Variants in METRNL observed in about 807,000 individuals in gnomAD.
The protein encoded by METRNL is meteorin like, glial cell differentiation regulator.
A neutral mutation model predicts 17.4 loss-of-function variants in METRNL; 9 were observed. That is an observed-to-expected ratio of 0.52 (90% CI 0.31 to 0.90). The LOEUF is 0.90. Ranked by LOEUF, METRNL falls within the 40% of genes least tolerant of loss-of-function variation. METRNL has a pLI of 0.05. For synonymous variants in METRNL, 215 were observed against 199.3 expected (o/e 1.08, Z -0.66); for missense variants, 408 against 430.7 (o/e 0.95, Z 0.47).
At chr17:83,084,161 G>A (rs1009700654) in intron 1 of METRNL, 4 of 152,218 alleles carry the variant, frequency 2.6e-5, no homozygotes, top group African/African-American at 7.2e-5. Context: ...TTTGTGGTGA[G>A]TCTTGCTGTA....
intron 2 of METRNL, among the ~76,000 whole-genome samples, chr17:83,088,062 C>T (rs1443610152): frequency 1.3e-5 from 2 of 152,214 alleles, no homozygotes; most frequent in African/African-American, 4.8e-5. Context: ...TTGGCCGGAA[C>T]ACGGGGGCAG....
At chr17:83,081,561 C>G (rs2037988964) in intron 1 of METRNL, among the ~76,000 whole-genome samples, 1 of 152,168 alleles carries the variant, frequency 6.6e-6, no homozygotes, top group Non-Finnish European at 1.5e-5. Flanking sequence ...AGCAGCGGGA[C>G]AGGAGTGCTT....
chr17:83,091,363 C>A (rs1205086757), intron 2 of METRNL, among the ~76,000 whole-genome samples: 3 of 152,232 alleles, frequency 2.0e-5, no homozygotes, highest in Non-Finnish European at 4.4e-5. Context: ...GGCGCCCTCA[C>A]CCCTGCCTGG....
chr17:83,080,083 C>A, intron 1 of METRNL, 98 bp downstream of exon 1: 1 of 735,418 alleles, frequency 1.4e-6, no homozygotes, highest in Non-Finnish European at 1.7e-6. Flanking sequence ...CGGGGGCGGG[C>A]GCGGGGCAGG....
At chr17:83,088,742 G>A (rs568950195) in intron 2 of METRNL, among the ~76,000 whole-genome samples, 22 of 150,982 alleles carry the variant, frequency 1.5e-4, no homozygotes, top group Middle Eastern at 3.4e-3. Flanking sequence ...GGCTGAGCCC[G>A]TAGGTGAATG....
chr17:83,081,926 T>C (rs1293087617), intron 1 of METRNL, among the ~76,000 whole-genome samples: 1 of 152,212 alleles, frequency 6.6e-6, no homozygotes, highest in East Asian at 1.9e-4. Flanking sequence ...GTTTGTGACT[T>C]TTTACCAGCT....
Position 83,085,150 on chromosome 17 carries a change from G to A in METRNL, c.383G>A (p.Arg128Lys), listed in dbSNP as rs2038036010. 1 of 1,613,466 alleles carries A rather than the reference G, an allele frequency of 6.2e-7. No homozygotes were observed. Among genetic ancestry groups the A allele is most frequent in the African/African-American group, 1.3e-5 (1 of 75,060 alleles). The change falls in exon 2 of 4, where the codon AGA (arginine) becomes AAA (lysine). Residue 128 changes from arginine to lysine, a missense_variant. Coordinates refer to ENST00000320095, the MANE Select transcript of METRNL (RefSeq NM_001004431.3). ...NIYLEKTGELRLLVPDGDGRP... is the reference protein window; with the variant it reads ...NIYLEKTGELKLLVPDGDGRP... ...TATTTGGAAAAAACTGGAGAACTGA[G>A]ACTGCTGGTACCAGACGGGGACGGC...
intron 2 of METRNL, among the ~76,000 whole-genome samples, chr17:83,089,609 A>AG (rs2038093245): frequency 1.3e-5 from 2 of 150,672 alleles, no homozygotes; most frequent in African/African-American, 4.9e-5. Context: ...TCCCCCTCCG[A>AG]GGAGGATGGA....
intron 1 of METRNL, chr17:83,082,203 C>G (rs947165514): frequency 1.0e-5 from 10 of 985,300 alleles, no homozygotes; most frequent in African/African-American, 1.7e-5. Flanking sequence ...ATCGCAGGTG[C>G]GGTCACACCT....
chr17:83,080,420 C>T (rs1015847995), intron 1 of METRNL, among the ~76,000 whole-genome samples: 4 of 150,278 alleles, frequency 2.7e-5, no homozygotes, highest in Non-Finnish European at 4.5e-5. Flanking sequence ...GGATCGGGCG[C>T]GGACCGCAGC....
chr17:83,085,469 T>C (rs1205132891), intron 2 of METRNL, 146 bp downstream of exon 2: 1 of 1,156,722 alleles, frequency 8.6e-7, no homozygotes, highest in African/African-American at 1.6e-5. Flanking sequence ...CATGACTGTT[T>C]TGCCTGAAGA....
chr17:83,086,854 G>A (rs2038058279), intron 2 of METRNL, among the ~76,000 whole-genome samples: 1 of 152,146 alleles, frequency 6.6e-6, no homozygotes, highest in African/African-American at 2.4e-5. Context: ...GTCAGCTGGG[G>A]CGACCCTTAC....
rs1474112353 is a variant in METRNL at position 83,085,128 on chromosome 17, T to C, written c.361T>C (p.Leu121=). ...FTDSSGANIY[L]EKTGELRLLV... ...GGACTCCTCGGGGGCCAATATTTAT[T>C]TGGAAAAAACTGGAGAACTGAGACT... Residue 121 remains leucine, a synonymous_variant, in exon 2 of 4, where the codon TTG becomes CTG. Coordinates refer to ENST00000320095, the MANE Select transcript of METRNL (RefSeq NM_001004431.3). The C allele has an allele frequency of 6.2e-7, 1 of 1,613,576 alleles. No individual in the cohort carries two copies. Among genetic ancestry groups the C allele is most frequent in the Non-Finnish European group, 8.5e-7 (1 of 1,179,972 alleles).
chr17:83,088,923 C>T (rs542735902), intron 2 of METRNL, among the ~76,000 whole-genome samples: 48 of 152,284 alleles, frequency 3.2e-4, no homozygotes, highest in African/African-American at 1.1e-3. Context: ...TCCCATCTCT[C>T]GTCCATCTTT....
rs1270951307 is a variant in METRNL at position 83,085,112 on chromosome 17, G to A, written c.345G>A (p.Ser115=). ...GCATCAGGTCCTTCACGGACTCCTC[G>A]GGGGCCAATATTTATTTGGAAAAAA... ...TVCIRSFTDS[S]GANIYLEKTG... is the part of the protein sequence containing the mutation. Residue 115 remains serine (S), a synonymous_variant, in exon 2 of 4, where the codon TCG becomes TCA. Transcript: ENST00000320095. The A allele has an allele frequency of 7.4e-6, 12 of 1,613,634 alleles. No individual in the cohort carries two copies. The highest frequency in any genetic ancestry group is 2.7e-5 in the African/African-American group (2 of 74,942).
chr17:83,093,842 C>T (rs556624127), intron 3 of METRNL, among the ~76,000 whole-genome samples: 12 of 152,340 alleles, frequency 7.9e-5, no homozygotes, highest in South Asian at 6.2e-4. Context: ...ACTGCTTTCC[C>T]GGCCCCTGGC....
intron 2 of METRNL, among the ~76,000 whole-genome samples, chr17:83,088,080 C>T (rs2038073618): frequency 6.6e-6 from 1 of 152,184 alleles, no homozygotes; most frequent in African/African-American, 2.4e-5. Flanking sequence ...CAGGCTGCTC[C>T]TCCAGGGGTA....
In METRNL at chr17:83,082,074, TAAG is replaced by T. The variant is rs2037996261; in HGVS notation, c.170+2090_170+2092del. The T allele has an allele frequency of 5.1e-6, 5 of 985,206 alleles. No homozygotes were observed. The African/African-American group carries it at 8.7e-5, about 17-fold the overall frequency. The allele number at this position is 985,206 out of a possible 1,614,324, so 61.0% of individuals were successfully genotyped here. ...TTGCTGGGTGTTTCTTCTAAGCAGT[TAAG>T]TAGGAGATGATGAAACCTCCCTTCC... is the stretch of plus-strand genomic sequence containing the variant. On this transcript the variant is annotated intron_variant, in intron 1 of 3. Transcript: ENST00000320095.
chr17:83,081,871 C>T lies in METRNL; in HGVS notation c.170+1886C>T, dbSNP rs148136384. Among the ~76,000 whole-genome samples the T allele has an allele frequency of 6.1e-3, 926 of 152,284 alleles. 5 individuals carry two copies. The highest frequency in any genetic ancestry group is 0.02 in the African/African-American group (828 of 41,546). On this transcript the variant is annotated intron_variant, in intron 1 of 3. Coordinates refer to ENST00000320095, the MANE Select transcript of METRNL (RefSeq NM_001004431.3). ...ACGTCACGAATCAGTGACAGAGACT[C>T]GCTGTGGAAACCGGAGTGCGCTGGC...
Sources: allele counts gnomAD v4.1 joint callset (sites outside exome capture counted in the v4.1 genomes callset), GRCh38; gene constraint gnomAD v4.1.1; transcripts MANE v1.5; gene names NCBI Gene and HGNC (gene_info 2026-07-23, HGNC 2026-07-21).